OPCML: variants seen among roughly 807,000 people sequenced by gnomAD.
The protein encoded by OPCML is opioid-binding protein/cell adhesion molecule.
In OPCML, 13 loss-of-function variants were observed where a neutral mutation model predicts 37.8. The observed-to-expected ratio is 0.34, with a 90% CI of 0.22 to 0.55. The LOEUF is 0.55. Ranked by LOEUF, OPCML falls within the 20% of genes least tolerant of loss-of-function variation. The probability of loss-of-function intolerance (pLI) is 0.91; values close to 1 mark genes in which losing one functional copy is unlikely to be tolerated. For missense variants in OPCML, 341 were observed against 435.6 expected, an observed-to-expected ratio of 0.78 and a Z score of 1.93; for synonymous variants, 176 against 168.8, an observed-to-expected ratio of 1.04 and a Z score of -0.33.
At chr11:133,375,025 T>C (rs541118407) in intron 1 of OPCML, among the ~76,000 whole-genome samples, 1 of 152,214 alleles carries the variant, frequency 6.6e-6, no homozygotes, top group Non-Finnish European at 1.5e-5. Flanking sequence ...ATTTAAGCTG[T>C]TGGTAGACAT....
chr11:132,707,748 A>G (rs913185184), intron 2 of OPCML, among the ~76,000 whole-genome samples: 1 of 152,220 alleles, frequency 6.6e-6, no homozygotes, highest in Non-Finnish European at 1.5e-5. Flanking sequence ...TTGGATATGT[A>G]CAAACATATT....
chr11:132,644,862 C>T (rs1941065319), intron 3 of OPCML, among the ~76,000 whole-genome samples: 1 of 152,196 alleles, frequency 6.6e-6, no homozygotes, highest in Non-Finnish European at 1.5e-5. Flanking sequence ...GGGCTTGGCC[C>T]AGCAATGGTA....
chr11:133,340,209 G>A (rs564738555), intron 1 of OPCML, among the ~76,000 whole-genome samples: 1 of 152,220 alleles, frequency 6.6e-6, no homozygotes, highest in South Asian at 2.1e-4. Flanking sequence ...GTCTCTGAGT[G>A]TACAAGAAAT....
chr11:132,559,605 C>T (rs1205400210), intron 3 of OPCML, among the ~76,000 whole-genome samples: 2 of 151,818 alleles, frequency 1.3e-5, no homozygotes, highest in Non-Finnish European at 2.9e-5. Context: ...TTATGAGAAA[C>T]AAATTAATAA....
intron 3 of OPCML, among the ~76,000 whole-genome samples, chr11:132,644,389 C>G (rs1035868529): frequency 6.6e-6 from 1 of 151,924 alleles, no homozygotes; most frequent in African/African-American, 2.4e-5. Flanking sequence ...TCCCAGGGGA[C>G]GCATGGCTCG....
chr11:133,305,106 C>T (rs535425572), intron 1 of OPCML, among the ~76,000 whole-genome samples: 1 of 152,274 alleles, frequency 6.6e-6, no homozygotes, highest in Non-Finnish European at 1.5e-5. Flanking sequence ...CAATCACTAT[C>T]TCTTTCTCCT....
At chr11:132,928,573 G>T (rs1033309978) in intron 2 of OPCML, among the ~76,000 whole-genome samples, 1 of 151,926 alleles carries the variant, frequency 6.6e-6, no homozygotes, top group Non-Finnish European at 1.5e-5. Context: ...ACAGACATAA[G>T]ATCAATAAGG....
chr11:132,611,219 A>G (rs903823912), intron 3 of OPCML, among the ~76,000 whole-genome samples: 1 of 152,194 alleles, frequency 6.6e-6, no homozygotes, highest in African/African-American at 2.4e-5. Flanking sequence ...TAAATGAGTA[A>G]CTTGGTCCCT....
chr11:133,279,389 C>T (rs192652613), intron 1 of OPCML, among the ~76,000 whole-genome samples: 1 of 152,246 alleles, frequency 6.6e-6, no homozygotes, highest in Admixed American at 6.5e-5. Context: ...TATGAGCCTC[C>T]CAAGCAACCA....
At chr11:133,437,767 A>G (rs1417256937) in intron 1 of OPCML, among the ~76,000 whole-genome samples, 1 of 149,986 alleles carries the variant, frequency 6.7e-6, no homozygotes, top group Non-Finnish European at 1.5e-5. Flanking sequence ...AGAGAAAATA[A>G]CAGATTACTT....
At chr11:132,836,220 A>T (rs1047333615) in intron 2 of OPCML, among the ~76,000 whole-genome samples, 2 of 152,196 alleles carry the variant, frequency 1.3e-5, no homozygotes, top group African/African-American at 4.8e-5. Context: ...GATAAACATT[A>T]TGTTGGCTTT....
At chr11:133,037,042 C>T (rs1233139073) in intron 1 of OPCML, among the ~76,000 whole-genome samples, 1 of 152,168 alleles carries the variant, frequency 6.6e-6, no homozygotes, top group Non-Finnish European at 1.5e-5. Context: ...AAGGGCTCTG[C>T]CTGACCACAC....
At chr11:133,089,263 T>G (rs1168634229) in intron 1 of OPCML, among the ~76,000 whole-genome samples, 1 of 152,180 alleles carries the variant, frequency 6.6e-6, no homozygotes, top group African/African-American at 2.4e-5. Flanking sequence ...GCATACATTA[T>G]GCCAAAAGAA....
chr11:133,102,362 G>T (rs1223927838), intron 1 of OPCML, among the ~76,000 whole-genome samples: 1 of 152,050 alleles, frequency 6.6e-6, no homozygotes, highest in Non-Finnish European at 1.5e-5. Flanking sequence ...CTGGAAAAAA[G>T]ATCTAAACAA....
intron 1 of OPCML, among the ~76,000 whole-genome samples, chr11:133,344,130 G>A (rs537997560): frequency 2.6e-5 from 4 of 152,240 alleles, no homozygotes; most frequent in Non-Finnish European, 2.9e-5. Flanking sequence ...ATAATCCATC[G>A]GGCAATCAGC....
intron 1 of OPCML, among the ~76,000 whole-genome samples, chr11:133,328,939 G>A (rs1386036715): frequency 3.3e-5 from 5 of 152,234 alleles, no homozygotes; most frequent in Non-Finnish European, 7.3e-5. Context: ...AAACCCCATC[G>A]TCTCAGCCCA....
chr11:132,769,240 G>GTTTTTTTTTT (rs374516026), intron 2 of OPCML, among the ~76,000 whole-genome samples: 1 of 146,546 alleles, frequency 6.8e-6, no homozygotes, highest in Admixed American at 6.7e-5. Flanking sequence ...TGGTTTGTTT[G>GTTTTTTTTTT]TTGTTTTTTT....
intron 1 of OPCML, among the ~76,000 whole-genome samples, chr11:133,057,645 T>C (rs949589577): frequency 2.6e-5 from 4 of 152,312 alleles, no homozygotes; most frequent in African/African-American, 9.6e-5. Flanking sequence ...GTCTGCTATT[T>C]GCCCTTTTTT....
chr11:132,654,200 A>G (rs1356474462), intron 3 of OPCML, among the ~76,000 whole-genome samples: 1 of 152,222 alleles, frequency 6.6e-6, no homozygotes, highest in Non-Finnish European at 1.5e-5. Context: ...TGTCTTCCAA[A>G]GAAAGAGCAA....
Sources: gnomAD v4.1 joint callset for allele counts (sites outside exome capture counted in the v4.1 genomes callset) on GRCh38, gnomAD v4.1.1 for gene constraint, MANE v1.5 for transcripts, NCBI Gene and HGNC (gene_info 2026-07-23, HGNC 2026-07-21) for gene names.